SEMA4D: variants seen among roughly 807,000 people sequenced by gnomAD.
SEMA4D encodes semaphorin 4D.
Under a neutral mutation model 74.8 loss-of-function variants are expected in SEMA4D, and 22 were observed. The ratio of observed to expected loss-of-function variants is 0.29; its 90% CI spans 0.21 to 0.42. SEMA4D has a LOEUF of 0.42. Among genes scored for constraint, SEMA4D ranks in the 10% least tolerant of loss-of-function variants. SEMA4D has a pLI of 1.00. For synonymous variants in SEMA4D, 445 were observed against 463.7 expected (o/e 0.96, Z 0.52); for missense variants, 937 against 1,118.4 (o/e 0.84, Z 2.31).
At chr9:89,442,135 C>G (rs1564801455) in intron 2 of SEMA4D, among the ~76,000 whole-genome samples, 1 of 131,476 alleles carries the variant, frequency 7.6e-6, no homozygotes, top group African/African-American at 2.8e-5. Context: ...GTTTCCTTCC[C>G]TTTTCCCCTG....
At chr9:89,488,350 A>ATTTTTTT (rs1222488409) in intron 1 of SEMA4D, among the ~76,000 whole-genome samples, 14 of 80,412 alleles carry the variant, frequency 1.7e-4, no homozygotes, top group Non-Finnish European at 2.5e-4. Context: ...TGGATCACAG[A>ATTTTTTT]TCTTTTTTTT....
chr9:89,411,720 G>A (rs1489590941), intron 2 of SEMA4D, among the ~76,000 whole-genome samples: 1 of 152,234 alleles, frequency 6.6e-6, no homozygotes, highest in Non-Finnish European at 1.5e-5. Context: ...GGATCCAGAA[G>A]CAGAAGACAT....
intron 2 of SEMA4D, among the ~76,000 whole-genome samples, chr9:89,419,769 T>A (rs1308802724): frequency 6.6e-6 from 1 of 151,826 alleles, no homozygotes; most frequent in East Asian, 1.9e-4. Flanking sequence ...ATACAAAAAT[T>A]AGCTGGGTGT....
intron 1 of SEMA4D, among the ~76,000 whole-genome samples, chr9:89,467,445 T>G (rs1859028074): frequency 6.8e-6 from 1 of 146,270 alleles, no homozygotes; most frequent in Non-Finnish European, 1.5e-5. Flanking sequence ...TCTCCTCCTT[T>G]GAGTTACCTG....
intron 1 of SEMA4D, among the ~76,000 whole-genome samples, chr9:89,459,149 G>C (rs1476922270): frequency 6.6e-6 from 1 of 152,192 alleles, no homozygotes; most frequent in Non-Finnish European, 1.5e-5. Flanking sequence ...ATGTGCCTGT[G>C]GTCAGTGGTT....
chr9:89,465,063 G>A (rs1340735845), intron 1 of SEMA4D, among the ~76,000 whole-genome samples: 1 of 152,004 alleles, frequency 6.6e-6, no homozygotes, highest in Non-Finnish European at 1.5e-5. Flanking sequence ...AACCTGTCAG[G>A]GGCAAAGAGG....
At chr9:89,417,295 A>T (rs185122428) in intron 2 of SEMA4D, among the ~76,000 whole-genome samples, 77 of 152,352 alleles carry the variant, frequency 5.1e-4, no homozygotes, top group African/African-American at 1.8e-3. Flanking sequence ...AATGGACCAG[A>T]TAATATATCT....
chr9:89,392,292 T>C (rs1412268326), intron 8 of SEMA4D, 131 bp downstream of exon 8: 2 of 614,540 alleles, frequency 3.3e-6, no homozygotes, highest in African/African-American at 2.2e-5. Context: ...GTTTGGGAAG[T>C]ATCCCCCACA....
intron 2 of SEMA4D, among the ~76,000 whole-genome samples, chr9:89,438,873 G>A (rs1338808299): frequency 2.0e-5 from 3 of 147,372 alleles, no homozygotes; most frequent in African/African-American, 5.0e-5. Context: ...CACCGTGTTA[G>A]CCAGGATGGT....
Position 89,478,500 on chromosome 9 carries a change from T to A in SEMA4D, c.-310+19419A>T, listed in dbSNP as rs1862323221. Among the ~76,000 whole-genome samples, 3 of 152,102 alleles carry A rather than the reference T, an allele frequency of 2.0e-5. No individual in the cohort carries two copies. In the South Asian group the frequency reaches 6.2e-4, roughly 32 times the overall value. ...CCAGAACTGGGAGAATAAGTTTCTG[T>A]TGTTGGAAACCACCCAGTGTGTGGT... is the stretch of plus-strand genomic sequence containing the variant. On this transcript the variant is annotated intron_variant, in intron 1 of 15. Transcript: ENST00000422704.
intron 1 of SEMA4D, among the ~76,000 whole-genome samples, chr9:89,475,053 G>A (rs868197245): frequency 1.3e-5 from 2 of 152,184 alleles, no homozygotes; most frequent in Admixed American, 6.5e-5. Flanking sequence ...CCCCAGCTCC[G>A]GGCCCACCCC....
At chr9:89,453,583 C>T (rs1018051758) in intron 2 of SEMA4D, among the ~76,000 whole-genome samples, 2 of 152,254 alleles carry the variant, frequency 1.3e-5, no homozygotes, top group African/African-American at 4.8e-5. Context: ...CCCCAGTACC[C>T]CAGACCAATC....
intron 13 of SEMA4D, among the ~76,000 whole-genome samples, chr9:89,382,759 T>C (rs900703773): frequency 3.3e-5 from 5 of 152,210 alleles, no homozygotes; most frequent in African/African-American, 1.2e-4. Context: ...CAGCTGGTCC[T>C]GTTGGGTCCC....
chr9:89,489,863 G>A (rs976874153), intron 1 of SEMA4D, among the ~76,000 whole-genome samples: 2 of 152,178 alleles, frequency 1.3e-5, no homozygotes, highest in Non-Finnish European at 2.9e-5. Context: ...AGGTATATAC[G>A]TAGGAGTGGG....
chr9:89,388,524 G>C (rs1839073248), intron 11 of SEMA4D, 112 bp downstream of exon 11: 4 of 1,328,674 alleles, frequency 3.0e-6, no homozygotes, highest in Non-Finnish European at 4.0e-6. Flanking sequence ...AATGCAGAGA[G>C]CCTTGGCGTG....
At chr9:89,406,446 G>A (rs1265826207) in intron 2 of SEMA4D, among the ~76,000 whole-genome samples, 1 of 152,232 alleles carries the variant, frequency 6.6e-6, no homozygotes, top group Non-Finnish European at 1.5e-5. Context: ...GGGGCTGGTG[G>A]TGGGAGAGGC....
rs537304963 is a variant in SEMA4D, at chr9:89,470,739, C to T, written c.-309-14786G>A. ...CAAAAAAAAAACCAAACTATTGATA[C>T]CTGCAACAGCTGGAATGAGCCTCAA... On this transcript the variant is annotated intron_variant, in intron 1 of 15. Transcript: ENST00000422704. Among the ~76,000 whole-genome samples, 9 of 152,200 alleles carry T rather than the reference C, an allele frequency of 5.9e-5. No individual in the cohort carries two copies. The East Asian group carries it at 1.4e-3, about 23-fold the overall frequency.
At chr9:89,448,486 C>G (rs895912671) in intron 2 of SEMA4D, among the ~76,000 whole-genome samples, 2 of 152,194 alleles carry the variant, frequency 1.3e-5, no homozygotes, top group African/African-American at 2.4e-5. Flanking sequence ...GGGATAGAGA[C>G]AGGGAGGCAA....
At chr9:89,450,414 GAGA>G (rs1854082170) in intron 2 of SEMA4D, 19 of 1,294,516 alleles carry the variant, frequency 1.5e-5, no homozygotes, top group South Asian at 4.7e-5. Flanking sequence ...ATGTGAAGAT[GAGA>G]AGAAGGCTTG....
Sources: gnomAD v4.1 joint callset for allele counts (sites outside exome capture counted in the v4.1 genomes callset) on GRCh38, gnomAD v4.1.1 for gene constraint, MANE v1.5 for transcripts, NCBI Gene and HGNC (gene_info 2026-07-23, HGNC 2026-07-21) for gene names.